Variants in TSHZ2 observed in about 807,000 individuals in gnomAD.
TSHZ2 encodes teashirt homolog 2.
A neutral mutation model predicts 74.4 loss-of-function variants in TSHZ2; 21 were observed. The observed-to-expected ratio is 0.28, with a 90% CI of 0.20 to 0.41. The LOEUF is 0.41. TSHZ2 is among the 10% of genes least tolerant of loss of function. TSHZ2 has a pLI of 1.00. For synonymous variants in TSHZ2, 540 were observed against 515.3 expected (o/e 1.05, Z -0.65); for missense variants, 1,244 against 1,293.5 (o/e 0.96, Z 0.59).
intron 1 of TSHZ2, among the ~76,000 whole-genome samples, chr20:53,203,724 T>G (rs1214656507): frequency 6.6e-6 from 1 of 152,056 alleles, no homozygotes; most frequent in Non-Finnish European, 1.5e-5. Flanking sequence ...AAATAAATTT[T>G]TATGCGAAAT....
chr20:53,403,709 G>A (rs1203573149), intron 2 of TSHZ2, among the ~76,000 whole-genome samples: 1 of 152,170 alleles, frequency 6.6e-6, no homozygotes, highest in Non-Finnish European at 1.5e-5. Context: ...GAGAGAATGT[G>A]CTGGTGCTTT....
intron 2 of TSHZ2, among the ~76,000 whole-genome samples, chr20:53,287,932 A>G (rs530732427): frequency 3.9e-4 from 60 of 152,100 alleles, no homozygotes; most frequent in Non-Finnish European, 6.8e-4. Flanking sequence ...TCTTCCTGAC[A>G]TTTATTGGAG....
At chr20:53,204,938 A>G (rs973111232) in intron 1 of TSHZ2, among the ~76,000 whole-genome samples, 1 of 151,828 alleles carries the variant, frequency 6.6e-6, no homozygotes, top group Non-Finnish European at 1.5e-5. Context: ...AAAAAGAAAA[A>G]AAAAATTAGC....
At chr20:53,016,283 C>T (rs1478908369) in intron 1 of TSHZ2, among the ~76,000 whole-genome samples, 6 of 152,132 alleles carry the variant, frequency 3.9e-5, no homozygotes, top group East Asian at 1.9e-4. Context: ...TGACTTCTTT[C>T]GTCACTGTCT....
At chr20:53,016,100 G>A (rs1386947478) in intron 1 of TSHZ2, among the ~76,000 whole-genome samples, 2 of 152,094 alleles carry the variant, frequency 1.3e-5, no homozygotes, top group Admixed American at 6.6e-5. Context: ...AAATATGAGG[G>A]CCATGCAGGA....
intron 1 of TSHZ2, among the ~76,000 whole-genome samples, chr20:53,048,219 T>G (rs1156998688): frequency 6.6e-6 from 1 of 152,172 alleles, no homozygotes; most frequent in Admixed American, 6.5e-5. Flanking sequence ...CAGGACCCAT[T>G]CTGACTTCTG....
chr20:53,052,970 G>A (rs1004906683), intron 1 of TSHZ2, among the ~76,000 whole-genome samples: 5 of 152,022 alleles, frequency 3.3e-5, no homozygotes, highest in African/African-American at 4.8e-5. Flanking sequence ...CCGTCGTCGC[G>A]GTATCTAATT....
intron 2 of TSHZ2, among the ~76,000 whole-genome samples, chr20:53,355,448 G>A (rs1042525051): frequency 1.5e-4 from 23 of 152,130 alleles, no homozygotes; most frequent in African/African-American, 5.1e-4. Context: ...TGAATTACTT[G>A]TTCATACTAT....
chr20:53,474,806 G>A (rs1170684518), intron 2 of TSHZ2, among the ~76,000 whole-genome samples: 2 of 139,152 alleles, frequency 1.4e-5, no homozygotes, highest in African/African-American at 5.6e-5. Context: ...TAAAAGGATG[G>A]AGGAAGATCT....
rs1166117926 is a variant in TSHZ2, at chr20:53,489,196, G to C, written c.*2061G>C. On this transcript the variant is annotated 3_prime_UTR_variant, in exon 3 of 3. Coordinates refer to ENST00000371497, the MANE Select transcript of TSHZ2 (RefSeq NM_173485.6). ...GGAATAGCGGCTCAAATGTAGTTCT[G>C]ACATGAAAAGCAAGGTGCTGATATT... The C allele has an allele frequency of 2.2e-6, 1 of 456,100 alleles. No homozygotes were observed. Among genetic ancestry groups the C allele is most frequent in the African/African-American group, 2.0e-5 (1 of 50,050 alleles). 28.3% of individuals were successfully genotyped at this position (456,100 alleles called of 1,614,324 possible). A position where few individuals can be genotyped will look rare whatever the true frequency, so the allele number is the denominator to read the frequency against.
At chr20:52,998,566 A>G (rs1982291638) in intron 1 of TSHZ2, among the ~76,000 whole-genome samples, 1 of 152,190 alleles carries the variant, frequency 6.6e-6, no homozygotes, top group Non-Finnish European at 1.5e-5. Flanking sequence ...CAGCCTTTAG[A>G]TTAGGTTAAA....
At chr20:52,982,139 G>A (rs1360534499) in intron 1 of TSHZ2, among the ~76,000 whole-genome samples, 1 of 152,188 alleles carries the variant, frequency 6.6e-6, no homozygotes, top group African/African-American at 2.4e-5. Context: ...GGACATCTGG[G>A]CTAAGTCCTG....
chr20:53,396,347 A>C (rs1042848845), intron 2 of TSHZ2, among the ~76,000 whole-genome samples: 5 of 152,224 alleles, frequency 3.3e-5, no homozygotes, highest in African/African-American at 1.2e-4. Flanking sequence ...CATGTAGTTT[A>C]TTCCTGACAA....
chr20:53,173,600 T>C (rs1432047351), intron 1 of TSHZ2, among the ~76,000 whole-genome samples: 2 of 152,058 alleles, frequency 1.3e-5, no homozygotes, highest in African/African-American at 4.8e-5. Context: ...AGGGTGAGAC[T>C]CCATCTCAAA....
chr20:53,283,256 A>G (rs1040032733), intron 2 of TSHZ2, among the ~76,000 whole-genome samples: 8 of 152,194 alleles, frequency 5.3e-5, no homozygotes, highest in African/African-American at 9.7e-5. Flanking sequence ...AAATTTGCCA[A>G]ACTTCATTAT....
chr20:53,174,145 G>A (rs74573667), intron 1 of TSHZ2, among the ~76,000 whole-genome samples: 1,842 of 152,254 alleles, frequency 0.012, 44 homozygotes, highest in African/African-American at 0.042. Flanking sequence ...AACGGTTTTA[G>A]CATGGGAGAG....
chr20:52,993,037 A>C (rs1982050844), intron 1 of TSHZ2, among the ~76,000 whole-genome samples: 1 of 152,194 alleles, frequency 6.6e-6, no homozygotes. Context: ...TTATCTCCAA[A>C]TAATAAGTCT....
At chr20:53,301,599 C>A (rs1026163553) in intron 2 of TSHZ2, among the ~76,000 whole-genome samples, 2 of 152,164 alleles carry the variant, frequency 1.3e-5, no homozygotes, top group African/African-American at 2.4e-5. Flanking sequence ...CTCAACCAAA[C>A]GACGTAGGAG....
chr20:53,227,092 G>T lies in TSHZ2; in HGVS notation c.41-26407G>T, dbSNP rs1426942339. Among the ~76,000 whole-genome samples, 4 of 151,554 alleles carry T rather than the reference G, an allele frequency of 2.6e-5. No homozygotes were observed. The East Asian group carries it at 7.8e-4, about 29-fold the overall frequency. On this transcript the variant is annotated intron_variant, in intron 1 of 2. Transcript: ENST00000371497. ...TGATCTCACACCGGCTTATTGAATAGCATTTTGCAAACTCCAGGCCTATTT... is the reference window on the plus strand; with the variant it reads ...TGATCTCACACCGGCTTATTGAATATCATTTTGCAAACTCCAGGCCTATTT...
Sources: gnomAD v4.1 joint callset for allele counts (sites outside exome capture counted in the v4.1 genomes callset) on GRCh38, gnomAD v4.1.1 for gene constraint, MANE v1.5 for transcripts, NCBI Gene and HGNC (gene_info 2026-07-23, HGNC 2026-07-21) for gene names.